ITGA8: variants seen among roughly 807,000 people sequenced by gnomAD.
ITGA8 encodes the protein integrin subunit alpha 8.
A neutral mutation model predicts 142.3 loss-of-function variants in ITGA8; 91 were observed. The observed-to-expected ratio is 0.64, with a 90% confidence interval of 0.54 to 0.76. The LOEUF is 0.76. ITGA8 is among the 30% of genes least tolerant of loss of function. The pLI is 0.00. For synonymous variants in ITGA8, 505 were observed against 485.2 expected (o/e 1.04, Z -0.54); for missense variants, 1,406 against 1,327.7 (o/e 1.06, Z -0.92).
At chr10:15,653,484 A>G (rs557259917) in intron 11 of ITGA8, among the ~76,000 whole-genome samples, 1 of 152,274 alleles carries the variant, frequency 6.6e-6, no homozygotes, top group African/African-American at 2.4e-5. Flanking sequence ...TCCAATCAAT[A>G]AGCCTACATT....
intron 20 of ITGA8, among the ~76,000 whole-genome samples, chr10:15,603,859 G>A (rs1194160766): frequency 1.3e-5 from 2 of 152,164 alleles, no homozygotes; most frequent in Non-Finnish European, 2.9e-5. Flanking sequence ...AAACTGATAG[G>A]AACTCAGTGC....
intron 2 of ITGA8, among the ~76,000 whole-genome samples, chr10:15,709,691 A>T (rs921340446): frequency 2.6e-5 from 4 of 152,206 alleles, no homozygotes; most frequent in African/African-American, 9.7e-5. Flanking sequence ...ACTGTGAATT[A>T]ACTTCTGGTA....
intron 22 of ITGA8, among the ~76,000 whole-genome samples, chr10:15,587,616 T>G (rs1055396981): frequency 6.6e-6 from 1 of 152,140 alleles, no homozygotes; most frequent in African/African-American, 2.4e-5. Flanking sequence ...AACACACTTT[T>G]CATTACCCAC....
chr10:15,561,237 ATATATATATATATATATG>A (rs1833974831), intron 25 of ITGA8, among the ~76,000 whole-genome samples: 2 of 78,904 alleles, frequency 2.5e-5, no homozygotes, highest in African/African-American at 8.9e-5. Flanking sequence ...ATATATATGT[ATATATATATATATATATG>A]TATGTAAAAT....
At chr10:15,579,925 G>C (rs1053216980) in intron 23 of ITGA8, among the ~76,000 whole-genome samples, 3 of 151,108 alleles carry the variant, frequency 2.0e-5, no homozygotes, top group African/African-American at 7.3e-5. Context: ...CTCCAGTCAA[G>C]CATAACATTT....
At position 15,606,342 on chromosome 10, in the gene ITGA8, T is replaced by C; in HGVS notation, c.1845A>G (p.Glu615=). The part of the protein sequence containing the change: ...NYSLDESTFK[E]GLEVKPILNY... The stretch of plus-strand genomic sequence containing the variant: ...TCAATATTGGTTTCACTTCCAGGCC[T>C]TCTTTAAAGGTGGATTCGTCCAAAC... The change falls in exon 18 of 30, where the codon GAA becomes GAG. Residue 615 remains glutamate (E), a synonymous_variant. Transcript: ENST00000378076. 1 of 1,612,320 alleles carries C rather than the reference T, an allele frequency of 6.2e-7. No homozygotes were observed. The highest frequency in any genetic ancestry group is 2.2e-5 in the East Asian group (1 of 44,828).
At chr10:15,689,944 T>C (rs914942540) in intron 2 of ITGA8, among the ~76,000 whole-genome samples, 2 of 152,056 alleles carry the variant, frequency 1.3e-5, no homozygotes, top group African/African-American at 4.8e-5. Context: ...ACTCATACAA[T>C]GGAGGGCTGA....
chr10:15,607,593 C>G (rs1332723004), intron 17 of ITGA8, 84 bp downstream of exon 17: 2 of 1,347,416 alleles, frequency 1.5e-6, no homozygotes, highest in African/African-American at 2.9e-5. Flanking sequence ...TCTATGCAGA[C>G]AAACATGATG....
At chr10:15,536,049 G>A (rs1833428902) in intron 27 of ITGA8, among the ~76,000 whole-genome samples, 1 of 151,550 alleles carries the variant, frequency 6.6e-6, no homozygotes, top group Non-Finnish European at 1.5e-5. Flanking sequence ...CCCACCAGAA[G>A]GAAGAAACTC....
intron 6 of ITGA8, among the ~76,000 whole-genome samples, chr10:15,676,780 G>GA (rs772779237): frequency 7.7e-4 from 117 of 152,104 alleles, no homozygotes; most frequent in Non-Finnish European, 1.5e-3. Flanking sequence ...AGGCTGAGGC[G>GA]GGTGGATCAC....
intron 13 of ITGA8, among the ~76,000 whole-genome samples, chr10:15,628,405 T>C (rs1158941837): frequency 7.2e-6 from 1 of 138,960 alleles, no homozygotes; most frequent in Non-Finnish European, 1.5e-5. Context: ...CGATCTCTGC[T>C]CACTGCAAGC....
intron 13 of ITGA8, among the ~76,000 whole-genome samples, chr10:15,638,898 G>A (rs770947248): frequency 2.6e-5 from 4 of 152,158 alleles, no homozygotes; most frequent in South Asian, 4.2e-4. Context: ...AGCCTGAGGC[G>A]GGAGGATCGC....
chr10:15,605,098 G>A (rs559386332), intron 19 of ITGA8, among the ~76,000 whole-genome samples: 44 of 152,178 alleles, frequency 2.9e-4, no homozygotes, highest in Non-Finnish European at 4.9e-4. Flanking sequence ...TCCTGGGAGG[G>A]AAAGAAACAC....
At chr10:15,565,225 C>A (rs935431194) in intron 25 of ITGA8, among the ~76,000 whole-genome samples, 6 of 152,174 alleles carry the variant, frequency 3.9e-5, no homozygotes, top group Admixed American at 2.0e-4. Flanking sequence ...AGGAAGCATA[C>A]CTAGGACAGA....
At chr10:15,590,810 C>T (rs1031321909) in intron 22 of ITGA8, among the ~76,000 whole-genome samples, 1 of 152,120 alleles carries the variant, frequency 6.6e-6, no homozygotes, top group Non-Finnish European at 1.5e-5. Context: ...TATCCCATCA[C>T]TAAATTTTAT....
At chr10:15,662,354 T>TTTTTTTTA (rs1834305081) in intron 8 of ITGA8, among the ~76,000 whole-genome samples, 1 of 137,292 alleles carries the variant, frequency 7.3e-6, no homozygotes, top group Non-Finnish European at 1.6e-5. Flanking sequence ...TTTTTTTTTT[T>TTTTTTTTA]AAACAGGGTC....
chr10:15,611,277 C>T lies in ITGA8; in HGVS notation c.1553+2383G>A, dbSNP rs117083197. 1.7e-3 allele frequency among the ~76,000 whole-genome samples: 252 copies of T among 152,150 alleles called. 5 individuals carry two copies. The East Asian group carries it at 0.033, about 20-fold the overall frequency. ...TTCTGTCTTCTGAGGCTCTGAGGCA[C>T]CATTCACAAATTTTGCATGTGAAAA... is the stretch of plus-strand genomic sequence containing the variant. On this transcript the variant is annotated intron_variant, in intron 15 of 29. Transcript: ENST00000378076.
intron 23 of ITGA8, among the ~76,000 whole-genome samples, chr10:15,582,589 A>C (rs927321465): frequency 6.6e-6 from 1 of 152,246 alleles, no homozygotes; most frequent in Non-Finnish European, 1.5e-5. Flanking sequence ...GATAATAAGG[A>C]GACAGAAAAC....
At chr10:15,664,880 G>A (rs1157910133) in intron 8 of ITGA8, among the ~76,000 whole-genome samples, 2 of 152,070 alleles carry the variant, frequency 1.3e-5, no homozygotes, top group Non-Finnish European at 2.9e-5. Context: ...ATTCCATGGT[G>A]TATATGTGCC....
Sources: allele counts gnomAD v4.1 joint callset (sites outside exome capture counted in the v4.1 genomes callset), GRCh38; gene constraint gnomAD v4.1.1; transcripts MANE v1.5; gene names NCBI Gene and HGNC (gene_info 2026-07-23, HGNC 2026-07-21).